The following ERBB4 variants were observed in gnomAD, a reference collection of about 807,000 sequenced individuals.
The protein encoded by ERBB4 is erb-b2 receptor tyrosine kinase 4, also known as receptor tyrosine-protein kinase erbB-4.
ERBB4 carries 42 observed loss-of-function variants against 158.0 expected under a neutral mutation model. The ratio of observed to expected loss-of-function variants is 0.27; its 90% CI spans 0.21 to 0.34. The LOEUF (loss-of-function observed/expected upper bound fraction) is 0.34, where lower values mean the gene tolerates loss of function less well. Ranked by LOEUF, ERBB4 falls within the 10% of genes least tolerant of loss-of-function variation. The pLI is 1.00. For missense variants in ERBB4, 1,333 were observed against 1,624.1 expected (o/e 0.82, Z 3.08); for synonymous variants, 583 against 558.7 (o/e 1.04, Z -0.61).
At chr2:211,471,058 T>C (rs1176554194) in intron 20 of ERBB4, among the ~76,000 whole-genome samples, 1 of 152,060 alleles carries the variant, frequency 6.6e-6, no homozygotes, top group Non-Finnish European at 1.5e-5. Context: ...GTCATGAAAG[T>C]AGTATGGCTA....
chr2:212,311,578 CCTA>C (rs1187969471), intron 1 of ERBB4, among the ~76,000 whole-genome samples: 2 of 150,804 alleles, frequency 1.3e-5, no homozygotes, highest in Non-Finnish European at 3.0e-5. Flanking sequence ...TCTTTAAATG[CCTA>C]CTTTCAGACT....
chr2:212,043,397 C>G (rs367885504), intron 2 of ERBB4, among the ~76,000 whole-genome samples: 3 of 152,056 alleles, frequency 2.0e-5, no homozygotes, highest in Admixed American at 1.3e-4. Flanking sequence ...GTTTATCTAA[C>G]CATTAATAAA....
chr2:211,665,820 A>G (rs995399055), intron 14 of ERBB4, among the ~76,000 whole-genome samples: 5 of 152,228 alleles, frequency 3.3e-5, no homozygotes, highest in Non-Finnish European at 7.3e-5. Context: ...AAACTGTCCA[A>G]TGACTTTCTC....
chr2:212,307,323 A>G (rs2086846744), intron 1 of ERBB4, among the ~76,000 whole-genome samples: 1 of 151,010 alleles, frequency 6.6e-6, no homozygotes, highest in South Asian at 2.1e-4. Flanking sequence ...CTAAATACAA[A>G]TATTAGTTCT....
intron 3 of ERBB4, among the ~76,000 whole-genome samples, chr2:211,824,978 T>C (rs2077068159): frequency 1.3e-5 from 2 of 151,952 alleles, no homozygotes; most frequent in Non-Finnish European, 2.9e-5. Context: ...GTATCTTACC[T>C]GCCATCTAGT....
chr2:212,260,699 G>A (rs1359311466), intron 1 of ERBB4, among the ~76,000 whole-genome samples: 2 of 152,058 alleles, frequency 1.3e-5, no homozygotes, highest in Non-Finnish European at 2.9e-5. Context: ...TGCAATCCAA[G>A]CTACTCGGGA....
At chr2:211,508,346 C>T (rs562662842) in intron 20 of ERBB4, among the ~76,000 whole-genome samples, 1 of 152,124 alleles carries the variant, frequency 6.6e-6, no homozygotes, top group African/African-American at 2.4e-5. Context: ...CAAAAAAAGA[C>T]ATTTTGCAGC....
In ERBB4 at chr2:212,075,377, G is replaced by A. The variant is rs867772280; in HGVS notation, c.234+49375C>T. ...ACATGCAATGTAATGGTACAATACAGCTTGGATGAAAAAGGGAATAAAATT... is the reference window on the plus strand; with the variant it reads ...ACATGCAATGTAATGGTACAATACAACTTGGATGAAAAAGGGAATAAAATT... On this transcript the variant is annotated intron_variant, in intron 2 of 27. Coordinates refer to ENST00000342788, the MANE Select transcript of ERBB4 (RefSeq NM_005235.3). Among the ~76,000 whole-genome samples the A allele has an allele frequency of 7.9e-5, 12 of 151,938 alleles. No individual in the cohort carries two copies. In the South Asian group the frequency reaches 1.7e-3, roughly 21 times the overall value.
intron 1 of ERBB4, among the ~76,000 whole-genome samples, chr2:212,531,233 C>T (rs1451009405): frequency 6.6e-6 from 1 of 152,092 alleles, no homozygotes; most frequent in African/African-American, 2.4e-5. Flanking sequence ...TTCACATGGG[C>T]CCATGAGAAC....
At chr2:212,440,718 TA>T (rs2092236126) in intron 1 of ERBB4, among the ~76,000 whole-genome samples, 1 of 152,190 alleles carries the variant, frequency 6.6e-6, no homozygotes, top group African/African-American at 2.4e-5. Context: ...ATGAACTGTT[TA>T]GAGAGTTATG....
At chr2:211,522,963 A>G (rs919026477) in intron 20 of ERBB4, among the ~76,000 whole-genome samples, 1 of 151,652 alleles carries the variant, frequency 6.6e-6, no homozygotes, top group African/African-American at 2.4e-5. Flanking sequence ...AGGTACACCT[A>G]TACTTGGTAA....
chr2:212,489,911 C>T (rs1690178971), intron 1 of ERBB4, among the ~76,000 whole-genome samples: 1 of 151,756 alleles, frequency 6.6e-6, no homozygotes, highest in Non-Finnish European at 1.5e-5. Flanking sequence ...TCACAGAAAC[C>T]TCCTGGTCTA....
intron 1 of ERBB4, among the ~76,000 whole-genome samples, chr2:212,390,311 G>A (rs930290844): frequency 2.0e-5 from 3 of 151,756 alleles, no homozygotes; most frequent in African/African-American, 7.2e-5. Context: ...TAAAGAGTAT[G>A]TAAATCAATT....
intron 2 of ERBB4, among the ~76,000 whole-genome samples, chr2:211,975,572 T>G (rs2081583161): frequency 6.6e-6 from 1 of 152,184 alleles, no homozygotes; most frequent in South Asian, 2.1e-4. Flanking sequence ...AAGTTTACAC[T>G]CGGCGAACTT....
At position 211,734,909 on chromosome 2, in the gene ERBB4, C is replaced by CAAAAAAAAA. The variant is rs570006497; in HGVS notation, c.623-9724_623-9716dup. Among the ~76,000 whole-genome samples, 109 of 69,256 alleles carry CAAAAAAAAA rather than the reference C, an allele frequency of 1.6e-3. 1 individual carries two copies. The highest frequency in any genetic ancestry group is 4.3e-3 in the South Asian group (7 of 1,624). The allele number at this position is 69,256 out of a possible 152,430, so 45.4% of individuals were successfully genotyped here. A position where few individuals can be genotyped will look rare whatever the true frequency, so the allele number is the denominator to read the frequency against. ...GCCTGGGCGACAAGCGAGACTCTGT[C>CAAAAAAAAA]AAAAAAAAAAAAAAAAAAAAAAGAC... On this transcript the variant is annotated intron_variant, in intron 5 of 27. Transcript: ENST00000342788.
chr2:211,979,673 T>C (rs899306625), intron 2 of ERBB4, among the ~76,000 whole-genome samples: 4 of 152,168 alleles, frequency 2.6e-5, no homozygotes, highest in Non-Finnish European at 4.4e-5. Context: ...TTCCCTGCCA[T>C]AATACACATT....
chr2:211,999,729 T>A (rs2076060424), intron 2 of ERBB4, among the ~76,000 whole-genome samples: 1 of 151,792 alleles, frequency 6.6e-6, no homozygotes, highest in African/African-American at 2.4e-5. Context: ...TTTACCTCTG[T>A]CTATAATTTT....
intron 16 of ERBB4, among the ~76,000 whole-genome samples, chr2:211,637,055 C>G (rs377586105): frequency 6.6e-6 from 1 of 151,868 alleles, no homozygotes; most frequent in Non-Finnish European, 1.5e-5. Context: ...TCAAATGTTA[C>G]AATTCTCTAT....
In ERBB4 at chr2:211,944,081, CTA is replaced by C. The variant is rs58348907; in HGVS notation, c.421+3347_421+3348del. On this transcript the variant is annotated intron_variant, in intron 3 of 27. Coordinates refer to ENST00000342788, the MANE Select transcript of ERBB4 (RefSeq NM_005235.3). The stretch of plus-strand genomic sequence containing the variant: ...ATATATATATATACACATGGTTACA[CTA>C]TATATATATATATACATGGTTACAC... Among the ~76,000 whole-genome samples, 546 of 133,598 alleles carry C rather than the reference CTA, an allele frequency of 4.1e-3. 5 individuals are homozygous for C. The highest frequency in any genetic ancestry group is 0.014 in the African/African-American group (500 of 34,834). The allele number at this position is 133,598 out of a possible 152,430, so 87.6% of individuals were successfully genotyped here. A position where few individuals can be genotyped will look rare whatever the true frequency, so the allele number is the denominator to read the frequency against.
Sources: gnomAD v4.1 joint callset for allele counts (sites outside exome capture counted in the v4.1 genomes callset) on GRCh38, gnomAD v4.1.1 for gene constraint, MANE v1.5 for transcripts, NCBI Gene and HGNC (gene_info 2026-07-23, HGNC 2026-07-21) for gene names.